CFAP210: variants seen among roughly 807,000 people sequenced by gnomAD.
CFAP210 encodes the protein cilia and flagella associated protein 210.
chr2:169,673,760 T>C, the CFAP210 span, among the ~76,000 whole-genome samples: 1 of 152,158 alleles, frequency 6.6e-6, no homozygotes, highest in Non-Finnish European at 1.5e-5. Context: ...CAAAGGGGCA[T>C]GAGGGAAATT....
chr2:169,681,264 A>T, the CFAP210 span: 1 of 1,476,792 alleles, frequency 6.8e-7, no homozygotes, highest in Admixed American at 1.9e-5. Context: ...ATTATTAAAG[A>T]CTTACGGGAA....
At chr2:169,653,078 A>G in the CFAP210 span, among the ~76,000 whole-genome samples, 2 of 123,980 alleles carry the variant, frequency 1.6e-5, no homozygotes, top group Non-Finnish European at 3.3e-5. Context: ...GTATGTGTGT[A>G]TATATATGTA....
the CFAP210 span, among the ~76,000 whole-genome samples, chr2:169,667,320 G>A: frequency 6.6e-6 from 1 of 151,830 alleles, no homozygotes; most frequent in African/African-American, 2.4e-5. Flanking sequence ...TGTATTTTTA[G>A]TACAGACAGC....
At chr2:169,683,163 C>T in the CFAP210 span, among the ~76,000 whole-genome samples, 1 of 152,140 alleles carries the variant, frequency 6.6e-6, no homozygotes, top group Admixed American at 6.5e-5. Context: ...CAACCACAGG[C>T]ACTATCTTGC....
the CFAP210 span, chr2:169,694,222 G>A: frequency 1.2e-6 from 2 of 1,608,370 alleles, no homozygotes; most frequent in Non-Finnish European, 1.7e-6. Flanking sequence ...CGGGGGTCCA[G>A]AAACAATCCC....
the CFAP210 span, among the ~76,000 whole-genome samples, chr2:169,656,439 A>G: frequency 2.4e-5 from 3 of 124,428 alleles, no homozygotes; most frequent in East Asian, 6.8e-4. Context: ...AAGAGAAGGA[A>G]GAGGAGGAAG....
At chr2:169,674,945 T>C in the CFAP210 span, 1 of 1,543,836 alleles carries the variant, frequency 6.5e-7, no homozygotes, top group African/African-American at 1.4e-5. Context: ...TTTTTCCTTG[T>C]TTGTATATTT....
chr2:169,655,229 C>T, the CFAP210 span, among the ~76,000 whole-genome samples: 2 of 152,114 alleles, frequency 1.3e-5, no homozygotes, highest in Admixed American at 6.5e-5. Flanking sequence ...AACTCTGGGG[C>T]TCAAGGGAAA....
chr2:169,674,914 C>T, the CFAP210 span: 1 of 1,531,654 alleles, frequency 6.5e-7, no homozygotes, highest in Non-Finnish European at 8.8e-7. Flanking sequence ...TATTGCTTTG[C>T]ATTTTCAATG....
the CFAP210 span, among the ~76,000 whole-genome samples, chr2:169,666,844 C>G: frequency 6.6e-6 from 1 of 152,112 alleles, no homozygotes; most frequent in Non-Finnish European, 1.5e-5. Flanking sequence ...GAATGGTTTT[C>G]ACAGCATCTT....
chr2:169,650,388 CTCTT>C, the CFAP210 span: 3 of 1,597,374 alleles, frequency 1.9e-6, no homozygotes, highest in African/African-American at 1.4e-5. Context: ...TCATCTTTTT[CTCTT>C]TCTCTTTTTT....
At chr2:169,677,235 G>T in the CFAP210 span, among the ~76,000 whole-genome samples, 1 of 152,104 alleles carries the variant, frequency 6.6e-6, no homozygotes, top group African/African-American at 2.4e-5. Context: ...TAAACAGCAC[G>T]ACTCTGATAC....
At chr2:169,656,162 T>C in the CFAP210 span, among the ~76,000 whole-genome samples, 2 of 152,072 alleles carry the variant, frequency 1.3e-5, no homozygotes, top group Non-Finnish European at 2.9e-5. Context: ...TGGCAGCACA[T>C]GCCTGTAGTC....
the CFAP210 span, among the ~76,000 whole-genome samples, chr2:169,667,833 A>G: frequency 6.6e-6 from 1 of 152,038 alleles, no homozygotes; most frequent in African/African-American, 2.4e-5. Flanking sequence ...TTGTAGTTCC[A>G]TTTCAGAGCC....
the CFAP210 span, among the ~76,000 whole-genome samples, chr2:169,673,992 T>C: frequency 2.0e-5 from 3 of 152,336 alleles, no homozygotes; most frequent in South Asian, 6.2e-4. Flanking sequence ...TTCCCCTTCC[T>C]GTCTCAATTT....
the CFAP210 span, among the ~76,000 whole-genome samples, chr2:169,668,526 C>T: frequency 6.6e-6 from 1 of 152,194 alleles, no homozygotes; most frequent in African/African-American, 2.4e-5. Context: ...GTCTTCCTCA[C>T]TAAGTTTAAT....
At chr2:169,654,593 T>C in the CFAP210 span, among the ~76,000 whole-genome samples, 5 of 152,272 alleles carry the variant, frequency 3.3e-5, no homozygotes, top group South Asian at 1.0e-3. Context: ...CACAAATACA[T>C]GTAAGTACAA....
chr2:169,679,846 CATTAG>C, the CFAP210 span, among the ~76,000 whole-genome samples: 2 of 151,962 alleles, frequency 1.3e-5, no homozygotes, highest in African/African-American at 4.8e-5. Flanking sequence ...ATCTTTGTGA[CATTAG>C]ATTAGGTAAA....
chr2:169,650,964 C>T, the CFAP210 span, among the ~76,000 whole-genome samples: 2 of 151,584 alleles, frequency 1.3e-5, no homozygotes, highest in African/African-American at 2.4e-5. Context: ...CGTGGTGGCT[C>T]ATACCTGTAA....
Sources: gnomAD v4.1 joint callset for allele counts (sites outside exome capture counted in the v4.1 genomes callset) on GRCh38, gnomAD v4.1.1 for gene constraint, MANE v1.5 for transcripts, NCBI Gene and HGNC (gene_info 2026-07-23, HGNC 2026-07-21) for gene names.